The following AGPAT3 variants were observed in gnomAD, a reference collection of about 807,000 sequenced individuals.
AGPAT3 encodes 1-acylglycerol-3-phosphate O-acyltransferase 3.
Under a neutral mutation model 47.3 loss-of-function variants are expected in AGPAT3, and 5 were observed. The observed-to-expected ratio is 0.11, with a 90% CI of 0.06 to 0.22. The LOEUF (loss-of-function observed/expected upper bound fraction) is 0.22. Among genes scored for constraint, AGPAT3 ranks in the 10% least tolerant of loss-of-function variants. The pLI is 1.00. For synonymous variants in AGPAT3, 212 were observed against 208.3 expected, an observed-to-expected ratio of 1.02 and a Z score of -0.15; for missense variants, 315 against 493.0, an observed-to-expected ratio of 0.64 and a Z score of 3.42.
chr21:43,929,647 T>C lies in AGPAT3; in HGVS notation c.-49+25628T>C, dbSNP rs538437105. ...CGGACACGGCCTGCCAGAGCCAGTG[T>C]GTGTGGCAGGACAGGGGACACCTGC... On this transcript the variant is annotated intron_variant, in intron 2 of 9. Coordinates refer to ENST00000291572, the MANE Select transcript of AGPAT3 (RefSeq NM_020132.5). 3.3e-5 allele frequency among the ~76,000 whole-genome samples: 5 copies of C among 152,294 alleles called. No homozygotes were observed. In the South Asian group the frequency reaches 8.3e-4, roughly 25 times the overall value.
intron 2 of AGPAT3, among the ~76,000 whole-genome samples, chr21:43,949,632 C>T (rs2088086639): frequency 6.6e-6 from 1 of 152,226 alleles, no homozygotes; most frequent in South Asian, 2.1e-4. Flanking sequence ...CTGCACGTTA[C>T]TAAGGGCATG....
At chr21:43,925,076 T>C (rs2146220374) in intron 2 of AGPAT3, 1 of 152,314 alleles carries the variant, frequency 6.6e-6, no homozygotes, top group East Asian at 1.9e-4. Context: ...TCATATCCTC[T>C]TGGTCAGTGT....
At chr21:43,962,136 G>T (rs1176514404) in intron 3 of AGPAT3, among the ~76,000 whole-genome samples, 1 of 151,920 alleles carries the variant, frequency 6.6e-6, no homozygotes, top group African/African-American at 2.4e-5. Flanking sequence ...GAGTAGCTGG[G>T]ACTACAGGCA....
rs1158089517 is a variant in AGPAT3, at chr21:43,934,518, G to A, written c.-48-25116G>A. On this transcript the variant is annotated intron_variant, in intron 2 of 9. Coordinates refer to ENST00000291572, the MANE Select transcript of AGPAT3 (RefSeq NM_020132.5). The surrounding 1 kb of genome is among the most constrained non-coding windows in gnomAD (Gnocchi z 4.7). The stretch of plus-strand genomic sequence containing the variant: ...CAGCATGGCTTAGGTGTCAGAGACG[G>A]GAAAGGACCTGGAAGAAAAGAACTG... Among the ~76,000 whole-genome samples, 3 of 152,250 alleles carry A rather than the reference G, an allele frequency of 2.0e-5. No homozygotes were observed. Among genetic ancestry groups the A allele is most frequent in the African/African-American group, 7.2e-5 (3 of 41,456 alleles).
At chr21:43,918,909 G>C (rs2146170098) in intron 2 of AGPAT3, among the ~76,000 whole-genome samples, 1 of 152,242 alleles carries the variant, frequency 6.6e-6, no homozygotes, top group East Asian at 1.9e-4. Context: ...GTTTATACTT[G>C]TGATTACTTA....
intron 2 of AGPAT3, among the ~76,000 whole-genome samples, chr21:43,937,812 C>G (rs1175280437): frequency 6.6e-6 from 1 of 152,186 alleles, no homozygotes; most frequent in Non-Finnish European, 1.5e-5. Flanking sequence ...CTCTCATTAA[C>G]TATCTCTAAG....
intron 2 of AGPAT3, among the ~76,000 whole-genome samples, chr21:43,940,186 T>C (rs2087608994): frequency 6.6e-6 from 1 of 152,240 alleles, no homozygotes. Flanking sequence ...TTGGCCAGGC[T>C]GACACCTGCT....
At chr21:43,949,430 C>G (rs952425470) in intron 2 of AGPAT3, among the ~76,000 whole-genome samples, 2 of 152,188 alleles carry the variant, frequency 1.3e-5, no homozygotes, top group Admixed American at 6.5e-5. Flanking sequence ...CCATGTGGGA[C>G]CACCTTCTGT....
chr21:43,909,914 T>C (rs977406322), intron 2 of AGPAT3, among the ~76,000 whole-genome samples: 1 of 152,016 alleles, frequency 6.6e-6, no homozygotes, highest in Non-Finnish European at 1.5e-5. Flanking sequence ...GGCCTCATCA[T>C]GGAGAGGGTG....
At chr21:43,900,664 T>C (rs965082084) in intron 1 of AGPAT3, among the ~76,000 whole-genome samples, 1 of 152,132 alleles carries the variant, frequency 6.6e-6, no homozygotes, top group Non-Finnish European at 1.5e-5. Flanking sequence ...ATGTGAATGC[T>C]GCCCAGGTGA....
Position 43,963,746 on chromosome 21 carries a change from G to A in AGPAT3, c.178+3887G>A, listed in dbSNP as rs571585361. ...AAAAAAAAAAGATAAGGAAGTCTTC[G>A]AATCCCCGGAGAGGAAAGCTGGAGA... On this transcript the variant is annotated intron_variant, in intron 3 of 9. Coordinates refer to ENST00000291572, the MANE Select transcript of AGPAT3 (RefSeq NM_020132.5). 1.0e-4 allele frequency among the ~76,000 whole-genome samples: 15 copies of A among 148,280 alleles called. No individual in the cohort carries two copies. The East Asian group carries it at 2.6e-3, about 26-fold the overall frequency.
chr21:43,887,946 C>T (rs1408629471), intron 1 of AGPAT3, among the ~76,000 whole-genome samples: 1 of 152,262 alleles, frequency 6.6e-6, no homozygotes, highest in Non-Finnish European at 1.5e-5. Context: ...AGCCACCACG[C>T]CCGGCCCATA....
chr21:43,956,894 G>A (rs1333935758), intron 2 of AGPAT3, among the ~76,000 whole-genome samples: 3 of 152,216 alleles, frequency 2.0e-5, no homozygotes, highest in Non-Finnish European at 2.9e-5. Flanking sequence ...TGGCAATCAC[G>A]TAGCACATTT....
At chr21:43,951,880 A>G (rs1469790389) in intron 2 of AGPAT3, among the ~76,000 whole-genome samples, 1 of 152,194 alleles carries the variant, frequency 6.6e-6, no homozygotes, top group Non-Finnish European at 1.5e-5. Flanking sequence ...TTTCCATTCC[A>G]TAAAAAGGCG....
intron 3 of AGPAT3, among the ~76,000 whole-genome samples, chr21:43,961,321 C>T (rs2088824891): frequency 6.6e-6 from 1 of 152,072 alleles, no homozygotes; most frequent in Non-Finnish European, 1.5e-5. Context: ...ACGGTGAGCG[C>T]ATAGACACTT....
At chr21:43,907,020 CTTTTCTTTCT>C (rs1484143566) in intron 2 of AGPAT3, among the ~76,000 whole-genome samples, 1 of 145,538 alleles carries the variant, frequency 6.9e-6, no homozygotes, top group Non-Finnish European at 1.5e-5. Flanking sequence ...GGGTCTGTTT[CTTTTCTTTCT>C]TTTTTTTTTT....
rs779703482 is a variant in AGPAT3, at chr21:43,933,766, G to A, written c.-48-25868G>A. ...CGCATACCAGATGCCCAGAGGCCCC[G>A]GCGGCCTCCATCCAAGCACAGGCCC... is the stretch of plus-strand genomic sequence containing the variant. On this transcript the variant is annotated intron_variant, in intron 2 of 9. Transcript: ENST00000291572. The surrounding 1 kb of genome is among the most constrained non-coding windows in gnomAD (Gnocchi z 6.0). Among the ~76,000 whole-genome samples, 14 of 151,964 alleles carry A rather than the reference G, an allele frequency of 9.2e-5. No homozygotes were observed. The highest frequency in any genetic ancestry group is 1.2e-4 in the African/African-American group (5 of 41,348).
chr21:43,934,272 C>T lies in AGPAT3; in HGVS notation c.-48-25362C>T, dbSNP rs953967282. Among the ~76,000 whole-genome samples, 14 of 152,256 alleles carry T rather than the reference C, an allele frequency of 9.2e-5. No individual in the cohort carries two copies. Among genetic ancestry groups the T allele is most frequent in the African/African-American group, 3.4e-4 (14 of 41,474 alleles). On this transcript the variant is annotated intron_variant, in intron 2 of 9. Coordinates refer to ENST00000291572, the MANE Select transcript of AGPAT3 (RefSeq NM_020132.5). This position sits in a 1 kb window ranked among gnomAD's most constrained non-coding sequence, Gnocchi z 4.7. ...GGACCAGCTCCCACACACCAGCCCT[C>T]TCACCGCGGTGTGCCTGTCCCCACC...
intron 2 of AGPAT3, chr21:43,916,347 C>T (rs958550386): frequency 1.3e-5 from 2 of 152,228 alleles, no homozygotes; most frequent in African/African-American, 4.8e-5. Context: ...CGCACGTCTC[C>T]TGCCTTCACA....
Sources: allele counts gnomAD v4.1 joint callset (sites outside exome capture counted in the v4.1 genomes callset), GRCh38; gene constraint gnomAD v4.1.1; non-coding constraint Gnocchi (gnomAD v3.1); transcripts MANE v1.5; gene names NCBI Gene and HGNC (gene_info 2026-07-23, HGNC 2026-07-21).